UGGT2: variants seen among roughly 807,000 people sequenced by gnomAD.
UGGT2 encodes UDP-glucose:glycoprotein glucosyltransferase 2.
Under a neutral mutation model 192.1 loss-of-function variants are expected in UGGT2, and 180 were observed. That is an observed-to-expected ratio of 0.94 (90% confidence interval 0.83 to 1.06). UGGT2 has a LOEUF of 1.06. UGGT2 is among the 50% of genes least tolerant of loss of function. The pLI is 0.00. For missense variants in UGGT2, 1,849 were observed against 1,795.7 expected (o/e 1.03, Z -0.54); for synonymous variants, 580 against 591.0 (o/e 0.98, Z 0.27).
chr13:95,838,083 G>A (rs538812068), intron 36 of UGGT2, among the ~76,000 whole-genome samples: 57 of 152,172 alleles, frequency 3.7e-4, no homozygotes, highest in Non-Finnish European at 6.5e-4. Flanking sequence ...AAAACTTCTG[G>A]AACTGATAAG....
chr13:96,050,951 A>G (rs2053468134), intron 1 of UGGT2, among the ~76,000 whole-genome samples: 1 of 152,242 alleles, frequency 6.6e-6, no homozygotes, highest in Non-Finnish European at 1.5e-5. Context: ...AGGACTAGAA[A>G]TACCATTTGA....
rs772396752 is a variant in UGGT2 at position 96,053,327 on chromosome 13, A to C, written c.-15T>G. ...GCTGGCGCCATGGCACGGAGAGAAA[A>C]GCGCGAGTCCCTCGGACCCGGTACC... On this transcript the variant is annotated 5_prime_UTR_variant, in exon 1 of 39. Coordinates refer to ENST00000376747, the MANE Select transcript of UGGT2 (RefSeq NM_020121.4). 1 of 1,580,016 alleles carries C rather than the reference A, an allele frequency of 6.3e-7. No homozygotes were observed. The highest frequency in any genetic ancestry group is 1.1e-5 in the South Asian group (1 of 87,784).
intron 4 of UGGT2, among the ~76,000 whole-genome samples, chr13:96,021,959 G>A (rs552814043): frequency 6.6e-6 from 1 of 152,094 alleles, no homozygotes; most frequent in Non-Finnish European, 1.5e-5. Context: ...AGCTTGGGGA[G>A]GAAAAGGATT....
chr13:95,879,313 A>C (rs1594216080), intron 27 of UGGT2, among the ~76,000 whole-genome samples: 2 of 152,222 alleles, frequency 1.3e-5, no homozygotes, highest in East Asian at 3.8e-4. Flanking sequence ...TGACTTATTC[A>C]AACCACAACA....
At chr13:95,967,903 TA>T (rs1469235386) in intron 12 of UGGT2, among the ~76,000 whole-genome samples, 2 of 152,232 alleles carry the variant, frequency 1.3e-5, no homozygotes, top group African/African-American at 4.8e-5. Context: ...TTATTGTAAA[TA>T]AATCATTATC....
At position 95,854,453 on chromosome 13, in the gene UGGT2, T is replaced by A. The variant is rs559674459; in HGVS notation, c.4031A>T (p.Glu1344Val). 27 of 1,609,828 alleles carry A rather than the reference T, an allele frequency of 1.7e-5. No individual in the cohort carries two copies. The East Asian group carries it at 5.6e-4, about 33-fold the overall frequency. The part of the protein sequence containing the change: ...ADQIVRHDLK[E>V]LRDFDLDGAP... ...TCCATCCAGATCGAAATCTCGAAGTTCTTTTAGATCATGTCTCACAATCTA... is the reference window on the plus strand; with the variant it reads ...TCCATCCAGATCGAAATCTCGAAGTACTTTTAGATCATGTCTCACAATCTA... The change falls in exon 35 of 39, where the codon GAA becomes GTA. Residue 1344 changes from glutamate to valine, a missense_variant. Coordinates refer to ENST00000376747, the MANE Select transcript of UGGT2 (RefSeq NM_020121.4).
chr13:95,976,232 T>G (rs2140823138), intron 10 of UGGT2, among the ~76,000 whole-genome samples: 2 of 152,322 alleles, frequency 1.3e-5, no homozygotes, highest in South Asian at 4.1e-4. Context: ...TGTCCTCTAT[T>G]GTTGCTAAAG....
chr13:95,856,567 A>G (rs961925431), intron 33 of UGGT2: 1 of 499,700 alleles, frequency 2.0e-6, no homozygotes, highest in African/African-American at 2.0e-5. Context: ...ACGTCATTAA[A>G]AATAAGTGCA....
In UGGT2 at chr13:95,837,096, G is replaced by A. The variant is rs1035277465; in HGVS notation, c.4391C>T (p.Thr1464Ile). ...AACAAAGACACTCACCAGATCAATT[G>A]TTTTGGCTCTTTGTTTGGATTCATC... Reference protein sequence around the residue: ...CDDESKQRAKTIDLCNNPKTK... With the variant: ...CDDESKQRAKIIDLCNNPKTK... The change falls in exon 37 of 39, where the codon ACA becomes ATA. Residue 1464 changes from threonine to isoleucine, a missense_variant. Coordinates refer to ENST00000376747, the MANE Select transcript of UGGT2 (RefSeq NM_020121.4). 49 of 1,611,598 alleles carry A rather than the reference G, an allele frequency of 3.0e-5. No individual in the cohort carries two copies. The highest frequency in any genetic ancestry group is 4.0e-5 in the Non-Finnish European group (47 of 1,177,826).
At chr13:95,986,934 C>T (rs1280308947) in intron 8 of UGGT2, among the ~76,000 whole-genome samples, 1 of 151,966 alleles carries the variant, frequency 6.6e-6, no homozygotes, top group Admixed American at 6.6e-5. Flanking sequence ...TATGACAATC[C>T]TATAAAAAGA....
Position 95,918,828 on chromosome 13 carries a change from T to C in UGGT2, c.2295+6852A>G, listed in dbSNP as rs188241591. Among the ~76,000 whole-genome samples, 92 of 152,314 alleles carry C rather than the reference T, an allele frequency of 6.0e-4. 2 individuals are homozygous for C. Among genetic ancestry groups the C allele is most frequent in the Admixed American group, 1.3e-3 (20 of 15,308 alleles). On this transcript the variant is annotated intron_variant, in intron 20 of 38. Transcript: ENST00000376747. The stretch of plus-strand genomic sequence containing the variant: ...GAGCTGGTATCATTTCTACTGAAAC[T>C]ATTCCACAAAACTGAAGAGGGATTC...
chr13:95,848,474 G>GT (rs1345061961), intron 36 of UGGT2, among the ~76,000 whole-genome samples: 2 of 152,162 alleles, frequency 1.3e-5, no homozygotes. Flanking sequence ...TCTGAAGGGT[G>GT]TAAGATCTGT....
At chr13:95,805,130 T>G (rs1454555094) in intron 38 of UGGT2, among the ~76,000 whole-genome samples, 1 of 151,968 alleles carries the variant, frequency 6.6e-6, no homozygotes, top group Non-Finnish European at 1.5e-5. Context: ...GACAAAGAAC[T>G]TGAATATACA....
chr13:95,834,929 T>TC, intron 37 of UGGT2, among the ~76,000 whole-genome samples: 1 of 152,306 alleles, frequency 6.6e-6, no homozygotes, highest in Admixed American at 6.5e-5. Flanking sequence ...GTGGGTTTTT[T>TC]CACTAGAAAA....
At position 95,837,164 on chromosome 13, in the gene UGGT2, C is replaced by T. The variant is rs1887381155; in HGVS notation, c.4323G>A (p.Lys1441=). The T allele has an allele frequency of 1.2e-6, 2 of 1,613,882 alleles. No homozygotes were observed. Among genetic ancestry groups the T allele is most frequent in the African/African-American group, 2.7e-5 (2 of 74,914 alleles). The change falls in exon 37 of 39, where the codon AAG becomes AAA. Residue 1441 remains lysine, a synonymous_variant. Transcript: ENST00000376747. ...PNNMIYQVAI[K]SLPQDWLWCE... ...ACCACAGCCAGTCTTGAGGAAGAGA[C>T]TTAATGGCGACTTGGTAAATCATAT...
intron 5 of UGGT2, among the ~76,000 whole-genome samples, chr13:96,003,459 T>G (rs2051871877): frequency 6.6e-6 from 1 of 152,208 alleles, no homozygotes; most frequent in Non-Finnish European, 1.5e-5. Context: ...ACCTTGCTAC[T>G]TCTCACCAGG....
intron 38 of UGGT2, among the ~76,000 whole-genome samples, chr13:95,810,842 A>C (rs908578674): frequency 6.6e-6 from 1 of 152,324 alleles, no homozygotes. Flanking sequence ...AGATGGGAAA[A>C]AATTTTATAA....
rs941603863 is a variant in UGGT2 at position 95,831,283 on chromosome 13, A to T, written c.4528+1644T>A. The stretch of plus-strand genomic sequence containing the variant: ...CTAGAACTTAAAGTATAATAATAAT[A>T]AAAAAAAATCTCTTTTGTAAAACTT... On this transcript the variant is annotated intron_variant, in intron 38 of 38. Coordinates refer to ENST00000376747, the MANE Select transcript of UGGT2 (RefSeq NM_020121.4). 2.6e-5 allele frequency among the ~76,000 whole-genome samples: 4 copies of T among 151,730 alleles called. No individual in the cohort carries two copies. In the South Asian group the frequency reaches 6.3e-4, roughly 24 times the overall value.
chr13:95,907,327 G>C (rs1443595072), intron 20 of UGGT2, among the ~76,000 whole-genome samples: 1 of 152,210 alleles, frequency 6.6e-6, no homozygotes, highest in African/African-American at 2.4e-5. Context: ...TGTGTGGGCA[G>C]GGCTTAGCAG....
Sources: gnomAD v4.1 joint callset for allele counts (sites outside exome capture counted in the v4.1 genomes callset) on GRCh38, gnomAD v4.1.1 for gene constraint, MANE v1.5 for transcripts, NCBI Gene and HGNC (gene_info 2026-07-23, HGNC 2026-07-21) for gene names.